The following OPCML variants were observed in gnomAD, a reference collection of about 807,000 sequenced individuals.
OPCML encodes the protein opioid binding protein/cell adhesion molecule like.
OPCML carries 13 observed loss-of-function variants against 37.8 expected under a neutral mutation model. That is an observed-to-expected ratio of 0.34 (90% CI 0.22 to 0.55). The LOEUF is 0.55. OPCML is among the 20% of genes least tolerant of loss of function. The pLI is 0.91. For missense variants in OPCML, 341 were observed against 435.6 expected (o/e 0.78, Z 1.93); for synonymous variants, 176 against 168.8 (o/e 1.04, Z -0.33).
At chr11:133,109,763 A>T (rs1949222411) in intron 1 of OPCML, among the ~76,000 whole-genome samples, 2 of 152,188 alleles carry the variant, frequency 1.3e-5, no homozygotes, top group Non-Finnish European at 2.9e-5. Flanking sequence ...CCTGTCAGGA[A>T]GCATTGTTGA....
intron 2 of OPCML, among the ~76,000 whole-genome samples, chr11:132,896,613 T>C (rs1943857802): frequency 6.6e-6 from 1 of 152,220 alleles, no homozygotes; most frequent in African/African-American, 2.4e-5. Flanking sequence ...CTCACTGTCT[T>C]ACATCAGAGA....
At chr11:133,369,394 C>T (rs1431098056) in intron 1 of OPCML, among the ~76,000 whole-genome samples, 1 of 152,208 alleles carries the variant, frequency 6.6e-6, no homozygotes, top group Non-Finnish European at 1.5e-5. Context: ...AGAAAAGCTC[C>T]CCAAAAGAAA....
intron 1 of OPCML, among the ~76,000 whole-genome samples, chr11:133,099,201 T>G (rs1838085318): frequency 6.6e-6 from 1 of 151,696 alleles, no homozygotes; most frequent in South Asian, 2.1e-4. Flanking sequence ...TGAAGAGATA[T>G]TTCATGTTCA....
At chr11:133,028,545 G>A (rs1186918917) in intron 1 of OPCML, among the ~76,000 whole-genome samples, 1 of 148,968 alleles carries the variant, frequency 6.7e-6, no homozygotes, top group East Asian at 2.0e-4. Flanking sequence ...GTGTGTGTGT[G>A]TGTGTGTGTA....
intron 1 of OPCML, among the ~76,000 whole-genome samples, chr11:133,046,779 A>T (rs10894640): frequency 0.56 from 85,388 of 151,548 alleles, 25,682 homozygotes; most frequent in African/African-American, 0.79. Flanking sequence ...CAGATTTTTT[A>T]AAAAATCTAC....
intron 1 of OPCML, among the ~76,000 whole-genome samples, chr11:132,994,210 G>A (rs1032312741): frequency 3.3e-5 from 5 of 152,218 alleles, no homozygotes; most frequent in Admixed American, 1.3e-4. Context: ...GCGCCGCAGC[G>A]GCTGGTGCGC....
chr11:132,888,442 G>C (rs1296657114), intron 2 of OPCML, among the ~76,000 whole-genome samples: 1 of 152,216 alleles, frequency 6.6e-6, no homozygotes, highest in Non-Finnish European at 1.5e-5. Flanking sequence ...GATGCTCATG[G>C]AGAAGGAACG....
At chr11:132,629,545 G>A (rs1270161460) in intron 3 of OPCML, among the ~76,000 whole-genome samples, 1 of 152,142 alleles carries the variant, frequency 6.6e-6, no homozygotes, top group Non-Finnish European at 1.5e-5. Context: ...ACTTTCAGAA[G>A]TTAGTACCAA....
intron 2 of OPCML, chr11:132,859,920 C>T (rs1303517826): frequency 6.6e-6 from 1 of 152,130 alleles, no homozygotes; most frequent in Non-Finnish European, 1.5e-5. Flanking sequence ...CTAATACTAA[C>T]CCTTTCATTT....
chr11:132,424,603 C>A (rs2095971939), intron 7 of OPCML, among the ~76,000 whole-genome samples: 1 of 152,178 alleles, frequency 6.6e-6, no homozygotes, highest in Non-Finnish European at 1.5e-5. Flanking sequence ...TCGCTGACCG[C>A]AATCTGGCAA....
intron 1 of OPCML, among the ~76,000 whole-genome samples, chr11:133,046,253 C>T (rs994148713): frequency 2.6e-5 from 4 of 152,260 alleles, no homozygotes; most frequent in African/African-American, 9.6e-5. Flanking sequence ...AAAATTTTCC[C>T]GCATTTTAAA....
intron 1 of OPCML, chr11:133,008,039 G>A: frequency 1.0e-6 from 1 of 985,434 alleles, no homozygotes; most frequent in Non-Finnish European, 1.2e-6. Flanking sequence ...CTGTCTCATT[G>A]TTGAGATCTT....
intron 7 of OPCML, among the ~76,000 whole-genome samples, chr11:132,434,535 A>G (rs1939957): frequency 0.12 from 18,734 of 152,108 alleles, 1,450 homozygotes; most frequent in East Asian, 0.21. Context: ...TCCAGTATCT[A>G]TTCATTAGCT....
chr11:132,649,422 C>T (rs764537673), intron 3 of OPCML, among the ~76,000 whole-genome samples: 1 of 152,152 alleles, frequency 6.6e-6, no homozygotes, highest in Non-Finnish European at 1.5e-5. Context: ...ATCTGAGAAA[C>T]ACAGTAGTCT....
At chr11:132,562,692 CA>C (rs2096413196) in intron 3 of OPCML, among the ~76,000 whole-genome samples, 1 of 151,988 alleles carries the variant, frequency 6.6e-6, no homozygotes, top group Non-Finnish European at 1.5e-5. Flanking sequence ...ACCTACACAG[CA>C]GGAACTTTTG....
intron 1 of OPCML, among the ~76,000 whole-genome samples, chr11:133,257,504 A>G (rs1417697524): frequency 1.3e-5 from 2 of 152,190 alleles, no homozygotes; most frequent in East Asian, 3.9e-4. Context: ...TGCTTCATCC[A>G]TAGATGCCTA....
intron 4 of OPCML, among the ~76,000 whole-genome samples, chr11:132,498,020 T>C (rs2096236805): frequency 6.6e-6 from 1 of 152,256 alleles, no homozygotes; most frequent in Admixed American, 6.5e-5. Flanking sequence ...ACTTCATGGT[T>C]TTAGACAACA....
intron 1 of OPCML, among the ~76,000 whole-genome samples, chr11:133,100,964 G>A (rs760423358): frequency 2.0e-5 from 3 of 151,998 alleles, no homozygotes; most frequent in African/African-American, 7.3e-5. Flanking sequence ...TTGCTCTGTC[G>A]CCCAGGCTGG....
intron 2 of OPCML, among the ~76,000 whole-genome samples, chr11:132,885,455 C>T (rs1943373401): frequency 6.6e-6 from 1 of 152,104 alleles, no homozygotes; most frequent in Admixed American, 6.5e-5. Context: ...GATTCATTCC[C>T]CAATAATATC....
Sources: gnomAD v4.1 joint callset for allele counts (sites outside exome capture counted in the v4.1 genomes callset) on GRCh38, gnomAD v4.1.1 for gene constraint, MANE v1.5 for transcripts, NCBI Gene and HGNC (gene_info 2026-07-23, HGNC 2026-07-21) for gene names.